Variants in IGSF21 observed in about 807,000 individuals in gnomAD.
The protein encoded by IGSF21 is immunoglobulin superfamily member 21.
IGSF21 carries 28 observed loss-of-function variants against 46.8 expected under a neutral mutation model. The observed-to-expected ratio is 0.60, with a 90% CI of 0.44 to 0.82. The LOEUF is 0.82. IGSF21 is among the 40% of genes least tolerant of loss of function. The pLI is 0.00. For missense variants in IGSF21, 624 were observed against 665.5 expected, an observed-to-expected ratio of 0.94 and a Z score of 0.69; for synonymous variants, 284 against 273.6, an observed-to-expected ratio of 1.04 and a Z score of -0.38.
chr1:18,197,946 G>C (rs988594181), intron 1 of IGSF21, among the ~76,000 whole-genome samples: 1 of 152,146 alleles, frequency 6.6e-6, no homozygotes, highest in African/African-American at 2.4e-5. Flanking sequence ...GAAAGGTGTC[G>C]TAACCTCTCC....
At chr1:18,166,015 C>T (rs572483759) in intron 1 of IGSF21, among the ~76,000 whole-genome samples, 67 of 152,264 alleles carry the variant, frequency 4.4e-4, no homozygotes, top group African/African-American at 1.5e-3. Context: ...TATAAACGAC[C>T]CTGTCTCCTT....
intron 1 of IGSF21, among the ~76,000 whole-genome samples, chr1:18,207,270 G>A (rs2084338573): frequency 1.3e-5 from 2 of 152,070 alleles, no homozygotes; most frequent in East Asian, 3.8e-4. Context: ...CACTTTTAAG[G>A]GCTCATGTGA....
At chr1:18,325,429 G>A (rs982604580) in intron 3 of IGSF21, among the ~76,000 whole-genome samples, 16 of 152,066 alleles carry the variant, frequency 1.1e-4, no homozygotes, top group African/African-American at 3.4e-4. Context: ...AAGGACTGAG[G>A]CCCTGAGTCT....
At chr1:18,117,429 A>G (rs2086197833) in intron 1 of IGSF21, among the ~76,000 whole-genome samples, 2 of 152,210 alleles carry the variant, frequency 1.3e-5, no homozygotes, top group South Asian at 4.1e-4. Flanking sequence ...TTGTAGTCTA[A>G]CCAGCTTTCA....
At chr1:18,151,664 G>A (rs2086523177) in intron 1 of IGSF21, among the ~76,000 whole-genome samples, 1 of 152,080 alleles carries the variant, frequency 6.6e-6, no homozygotes, top group Non-Finnish European at 1.5e-5. Context: ...GGCCAGGCCT[G>A]GGCGACACTT....
chr1:18,243,678 G>A (rs2084755470), intron 2 of IGSF21, among the ~76,000 whole-genome samples: 3 of 152,094 alleles, frequency 2.0e-5, no homozygotes, highest in Non-Finnish European at 4.4e-5. Flanking sequence ...TTCTGGCCTC[G>A]CCCACTCCAC....
chr1:18,192,941 G>T (rs183701359), intron 1 of IGSF21, among the ~76,000 whole-genome samples: 1 of 152,046 alleles, frequency 6.6e-6, no homozygotes, highest in Non-Finnish European at 1.5e-5. Flanking sequence ...CAGCCCTGGC[G>T]CTGAGGATCT....
At chr1:18,353,747 A>G (rs1259854882) in intron 4 of IGSF21, among the ~76,000 whole-genome samples, 1 of 152,198 alleles carries the variant, frequency 6.6e-6, no homozygotes, top group African/African-American at 2.4e-5. Context: ...GGCTGGAAAG[A>G]GCTGAGTGTG....
At chr1:18,323,052 G>T (rs559545809) in intron 3 of IGSF21, among the ~76,000 whole-genome samples, 31 of 152,286 alleles carry the variant, frequency 2.0e-4, no homozygotes, top group African/African-American at 6.3e-4. Context: ...ACCACCCAAG[G>T]GCCTGTCACT....
intron 1 of IGSF21, among the ~76,000 whole-genome samples, chr1:18,149,259 G>A (rs529072205): frequency 2.7e-4 from 41 of 152,318 alleles, no homozygotes; most frequent in Admixed American, 1.9e-3. Flanking sequence ...GTAATGACAC[G>A]TGGAGAGACA....
chr1:18,282,332 C>G (rs1279255446), intron 2 of IGSF21, among the ~76,000 whole-genome samples: 1 of 152,184 alleles, frequency 6.6e-6, no homozygotes, highest in Non-Finnish European at 1.5e-5. Flanking sequence ...CCCACCCCCA[C>G]TCTGGCCCAG....
intron 2 of IGSF21, among the ~76,000 whole-genome samples, chr1:18,258,883 C>T (rs947655150): frequency 6.6e-6 from 1 of 152,206 alleles, no homozygotes; most frequent in African/African-American, 2.4e-5. Context: ...TCCAGACATG[C>T]TTTCTGCAAC....
intron 1 of IGSF21, among the ~76,000 whole-genome samples, chr1:18,206,791 G>C (rs1029544859): frequency 2.9e-4 from 44 of 152,316 alleles, no homozygotes; most frequent in African/African-American, 9.9e-4. Context: ...CTACCTAAAG[G>C]CTTGGCACAA....
chr1:18,284,780 C>T (rs1180629760), intron 2 of IGSF21, among the ~76,000 whole-genome samples: 4 of 152,242 alleles, frequency 2.6e-5, no homozygotes, highest in Admixed American at 6.5e-5. Context: ...AGGCTGTTTA[C>T]AGCCAGGGAG....
chr1:18,374,508 G>A (rs1415634479), intron 6 of IGSF21, among the ~76,000 whole-genome samples: 1 of 151,960 alleles, frequency 6.6e-6, no homozygotes, highest in Non-Finnish European at 1.5e-5. Context: ...CAGCTCGCAG[G>A]TATCCCAGGC....
intron 2 of IGSF21, among the ~76,000 whole-genome samples, chr1:18,233,276 C>T (rs1414398277): frequency 2.0e-5 from 3 of 152,202 alleles, no homozygotes; most frequent in Non-Finnish European, 4.4e-5. Flanking sequence ...TGGGAAGATG[C>T]ATACCTGGGT....
intron 1 of IGSF21, among the ~76,000 whole-genome samples, chr1:18,130,081 G>T (rs1309651237): frequency 6.6e-6 from 1 of 152,194 alleles, no homozygotes; most frequent in Non-Finnish European, 1.5e-5. Flanking sequence ...AAACAGACTT[G>T]CTGAGTATGG....
At chr1:18,320,706 T>C (rs2085593094) in intron 3 of IGSF21, among the ~76,000 whole-genome samples, 1 of 152,186 alleles carries the variant, frequency 6.6e-6, no homozygotes, top group African/African-American at 2.4e-5. Flanking sequence ...TTCTCAAATA[T>C]TTTATCTTGT....
chr1:18,295,451 A>G (rs2085303482), intron 3 of IGSF21, among the ~76,000 whole-genome samples: 1 of 152,168 alleles, frequency 6.6e-6, no homozygotes, highest in Admixed American at 6.5e-5. Context: ...AGATGAATAC[A>G]TCATTCCACA....
Sources: allele counts gnomAD v4.1 joint callset (sites outside exome capture counted in the v4.1 genomes callset), GRCh38; gene constraint gnomAD v4.1.1; transcripts MANE v1.5; gene names NCBI Gene and HGNC (gene_info 2026-07-23, HGNC 2026-07-21).